Variants in FGF14 observed in about 807,000 individuals in gnomAD.
The protein encoded by FGF14 is fibroblast growth factor 14, also known as fibroblast growth factor homologous factor 4.
In FGF14, 5 loss-of-function variants were observed where a neutral mutation model predicts 25.5. The ratio of observed to expected loss-of-function variants is 0.20; its 90% CI spans 0.10 to 0.41. The LOEUF is 0.41. Ranked by LOEUF, FGF14 falls within the 10% of genes least tolerant of loss-of-function variation. The pLI, the probability that FGF14 is intolerant of heterozygous loss-of-function variation, is 1.00. For synonymous variants in FGF14, 138 were observed against 118.3 expected, an observed-to-expected ratio of 1.17 and a Z score of -1.08; for missense variants, 222 against 320.1, an observed-to-expected ratio of 0.69 and a Z score of 2.34.
At chr13:102,035,433 A>G (rs577891656) in intron 1 of FGF14, among the ~76,000 whole-genome samples, 2 of 152,218 alleles carry the variant, frequency 1.3e-5, no homozygotes, top group Admixed American at 6.5e-5. Context: ...ACACATTTCA[A>G]TACTAATTAG....
intron 1 of FGF14, among the ~76,000 whole-genome samples, chr13:102,161,055 T>G (rs1253905200): frequency 6.6e-6 from 1 of 151,818 alleles, no homozygotes; most frequent in Non-Finnish European, 1.5e-5. Context: ...GAGAGGAAAA[T>G]AAACAAAGTA....
At chr13:102,197,672 A>G (rs1049825298) in intron 1 of FGF14, among the ~76,000 whole-genome samples, 7 of 151,896 alleles carry the variant, frequency 4.6e-5, no homozygotes, top group Non-Finnish European at 2.9e-5. Flanking sequence ...ATACATATTG[A>G]TATCTTTTAT....
At chr13:102,302,426 G>A (rs1422152338) in intron 1 of FGF14, among the ~76,000 whole-genome samples, 4 of 152,018 alleles carry the variant, frequency 2.6e-5, no homozygotes, top group Non-Finnish European at 5.9e-5. Flanking sequence ...CTGCCCAACA[G>A]TCCAGCTCCA....
chr13:101,829,084 C>T (rs1594400886), intron 3 of FGF14, among the ~76,000 whole-genome samples: 2 of 152,108 alleles, frequency 1.3e-5, no homozygotes, highest in Middle Eastern at 6.8e-3. Flanking sequence ...GGAGATAGAT[C>T]TAATTGCAGG....
intron 1 of FGF14, among the ~76,000 whole-genome samples, chr13:102,376,915 G>A (rs1474993820): frequency 6.6e-6 from 1 of 152,146 alleles, no homozygotes; most frequent in Non-Finnish European, 1.5e-5. Flanking sequence ...AAGCCCATGG[G>A]CACCAAGTGT....
chr13:101,894,564 C>G (rs2030326331), intron 1 of FGF14, among the ~76,000 whole-genome samples: 2 of 152,170 alleles, frequency 1.3e-5, no homozygotes, highest in Admixed American at 6.6e-5. Flanking sequence ...TTTCCGCTCC[C>G]ATTTTAACCT....
intron 1 of FGF14, among the ~76,000 whole-genome samples, chr13:102,122,477 C>T (rs1395891199): frequency 6.6e-6 from 1 of 152,110 alleles, no homozygotes; most frequent in East Asian, 1.9e-4. Flanking sequence ...ATTATGACAG[C>T]GGGAGTAGCT....
chr13:101,874,866 A>G (rs1011408267), intron 2 of FGF14, among the ~76,000 whole-genome samples: 1 of 152,176 alleles, frequency 6.6e-6, no homozygotes, highest in Non-Finnish European at 1.5e-5. Flanking sequence ...ATTAATTTTT[A>G]CCTAAATACA....
chr13:102,153,878 G>A (rs1017659005), intron 1 of FGF14, among the ~76,000 whole-genome samples: 1 of 152,040 alleles, frequency 6.6e-6, no homozygotes, highest in Admixed American at 6.5e-5. Context: ...TACTACACCT[G>A]GGCAGTATAT....
chr13:101,837,385 T>C (rs2042976734), intron 3 of FGF14, among the ~76,000 whole-genome samples: 1 of 152,098 alleles, frequency 6.6e-6, no homozygotes, highest in Non-Finnish European at 1.5e-5. Context: ...CTCTAGGGAA[T>C]TGCTACCTTA....
rs2041824943 is a variant in FGF14, at chr13:101,816,008, A to C, written c.408+52717T>G. On this transcript the variant is annotated intron_variant, in intron 3 of 4. Coordinates refer to ENST00000376143, the MANE Select transcript of FGF14 (RefSeq NM_004115.4). The stretch of plus-strand genomic sequence containing the variant: ...TTGGCTTGGCCGGGCGCGGTGGCTC[A>C]CGCCTGTATCCTAGCACTTTGGGAG... 5.1e-5 allele frequency among the ~76,000 whole-genome samples: 5 copies of C among 98,816 alleles called. No individual in the cohort carries two copies. The South Asian group carries it at 1.6e-3, about 32-fold the overall frequency. 64.8% of individuals were successfully genotyped at this position (98,816 alleles called of 152,430 possible). A position where few individuals can be genotyped will look rare whatever the true frequency, so the allele number is the denominator to read the frequency against.
chr13:102,248,460 T>C (rs1041709132), intron 1 of FGF14, among the ~76,000 whole-genome samples: 1 of 152,122 alleles, frequency 6.6e-6, no homozygotes, highest in African/African-American at 2.4e-5. Flanking sequence ...TATATCTTAT[T>C]TGAGATATTC....
At chr13:101,977,378 C>A (rs1025173832) in intron 1 of FGF14, among the ~76,000 whole-genome samples, 2 of 152,132 alleles carry the variant, frequency 1.3e-5, no homozygotes, top group African/African-American at 2.4e-5. Context: ...TACTTCTCCC[C>A]CATTGTGAAG....
chr13:101,755,070 C>A (rs1446110950), intron 3 of FGF14, among the ~76,000 whole-genome samples: 1 of 152,036 alleles, frequency 6.6e-6, no homozygotes, highest in Non-Finnish European at 1.5e-5. Flanking sequence ...ACAAATACTA[C>A]AGAAACATTA....
intron 1 of FGF14, among the ~76,000 whole-genome samples, chr13:101,927,514 G>C (rs975494700): frequency 6.6e-6 from 1 of 152,210 alleles, no homozygotes; most frequent in Non-Finnish European, 1.5e-5. Flanking sequence ...GGGTATTTGA[G>C]TACAGATAGG....
intron 1 of FGF14, among the ~76,000 whole-genome samples, chr13:102,256,463 A>C (rs1428061985): frequency 6.6e-6 from 1 of 152,108 alleles, no homozygotes; most frequent in Non-Finnish European, 1.5e-5. Flanking sequence ...ACGCCACTGC[A>C]CTCCAGCCTG....
chr13:102,160,159 C>T lies in FGF14; in HGVS notation c.208+241312G>A, dbSNP rs182990685. ...AGGAAATAAGGGTACGTTTTTGGTT[C>T]TTTCCTTGTTGTTCCTTGAAGGTAA... On this transcript the variant is annotated intron_variant, in intron 1 of 4. Coordinates refer to the FGF14 transcript ENST00000376131. 1.4e-3 allele frequency among the ~76,000 whole-genome samples: 218 copies of T among 152,258 alleles called. 2 individuals are homozygous for T. The highest frequency in any genetic ancestry group is 5.0e-3 in the African/African-American group (207 of 41,548).
At chr13:101,956,287 T>A (rs987550797) in intron 1 of FGF14, among the ~76,000 whole-genome samples, 1 of 152,226 alleles carries the variant, frequency 6.6e-6, no homozygotes, top group Non-Finnish European at 1.5e-5. Context: ...GATAGACGGA[T>A]AACATCTCTC....
rs1555370830 is a variant in FGF14, at chr13:102,167,326, A to AAAG, written c.208+234144_208+234145insCTT. Among the ~76,000 whole-genome samples, 73 of 146,962 alleles carry AAAG rather than the reference A, an allele frequency of 5.0e-4. 1 individual carries two copies. The highest frequency in any genetic ancestry group is 3.5e-3 in the Middle Eastern group (1 of 288). On this transcript the variant is annotated intron_variant, in intron 1 of 4. Transcript: ENST00000376131. The stretch of plus-strand genomic sequence containing the variant: ...GCACTCCATCTCAAAAAAAAAAAAA[A>AAAG]AAAAAAAAGGAAATTGTTACCTCAG...
Sources: allele counts gnomAD v4.1 joint callset (sites outside exome capture counted in the v4.1 genomes callset), GRCh38; gene constraint gnomAD v4.1.1; transcripts MANE v1.5; gene names NCBI Gene and HGNC (gene_info 2026-07-23, HGNC 2026-07-21).